The following ANK3 variants were observed in gnomAD, a reference collection of about 807,000 sequenced individuals.
ANK3 encodes the protein ankyrin-3.
Under a neutral mutation model 370.9 loss-of-function variants are expected in ANK3, and 57 were observed. That is an observed-to-expected ratio of 0.15 (90% CI 0.12 to 0.19). ANK3 has a LOEUF of 0.19. Ranked by LOEUF, ANK3 falls within the 10% of genes least tolerant of loss-of-function variation. The probability of loss-of-function intolerance (pLI) is 1.00; values close to 1 mark genes in which losing one functional copy is unlikely to be tolerated. For synonymous variants in ANK3, 1,929 were observed against 1,946.3 expected, an observed-to-expected ratio of 0.99 and a Z score of 0.23; for missense variants, 4,439 against 5,302.1, an observed-to-expected ratio of 0.84 and a Z score of 5.06.
intron 2 of ANK3, among the ~76,000 whole-genome samples, chr10:60,580,030 C>G (rs867525982): frequency 6.6e-6 from 1 of 152,138 alleles, no homozygotes; most frequent in Non-Finnish European, 1.5e-5. Flanking sequence ...AAGTTAGCAA[C>G]AATCTTTTGT....
intron 1 of ANK3, among the ~76,000 whole-genome samples, chr10:60,388,184 G>C (rs1304781242): frequency 6.6e-6 from 1 of 152,108 alleles, no homozygotes; most frequent in Non-Finnish European, 1.5e-5. Flanking sequence ...ATATATTCAA[G>C]AAGTTTATTT....
At chr10:60,462,387 A>T (rs1412409518) in intron 2 of ANK3, among the ~76,000 whole-genome samples, 1 of 152,146 alleles carries the variant, frequency 6.6e-6, no homozygotes, top group Non-Finnish European at 1.5e-5. Flanking sequence ...TGAGTGTAAA[A>T]GCATGCATGC....
At chr10:60,274,442 C>A (rs912902442) in intron 4 of ANK3, among the ~76,000 whole-genome samples, 4 of 152,146 alleles carry the variant, frequency 2.6e-5, no homozygotes, top group Non-Finnish European at 5.9e-5. Context: ...GACAATGTCA[C>A]CCCTATTTTC....
Position 60,389,564 on chromosome 10 carries a change from GCA to G in ANK3, c.-28_-27del. On this transcript the variant is annotated 5_prime_UTR_variant, in exon 1 of 44. Coordinates refer to ENST00000280772, the MANE Select transcript of ANK3 (RefSeq NM_020987.5). Reference sequence around the variant, plus strand: ...AATGCATTTAAAAAGATCCTCTCAAGCACACACGGCTTCCTTGTAAAAGGTGA... The same window carrying G: ...AATGCATTTAAAAAGATCCTCTCAAGCACACGGCTTCCTTGTAAAAGGTGA... 1 of 1,611,492 alleles carries G rather than the reference GCA, an allele frequency of 6.2e-7. No homozygotes were observed.
chr10:60,234,560 A>C, intron 8 of ANK3, 128 bp downstream of exon 8: 1 of 567,966 alleles, frequency 1.8e-6, no homozygotes, highest in Non-Finnish European at 3.2e-6. Context: ...AGTAGCAGTC[A>C]TTTTCCAAGA....
intron 18 of ANK3, among the ~76,000 whole-genome samples, chr10:60,174,441 T>C (rs2095872096): frequency 6.6e-6 from 1 of 152,148 alleles, no homozygotes; most frequent in Non-Finnish European, 1.5e-5. Flanking sequence ...TCCTTTTCAA[T>C]ACAGAGGAAC....
chr10:60,565,589 T>C (rs2077440506), intron 2 of ANK3, among the ~76,000 whole-genome samples: 1 of 152,228 alleles, frequency 6.6e-6, no homozygotes, highest in Non-Finnish European at 1.5e-5. Flanking sequence ...CTTTATTGTA[T>C]CTTGCCGTAA....
At chr10:60,223,255 C>A (rs529834916) in intron 8 of ANK3, among the ~76,000 whole-genome samples, 3 of 152,318 alleles carry the variant, frequency 2.0e-5, no homozygotes, top group African/African-American at 7.2e-5. Flanking sequence ...AGTGCCCCTA[C>A]CCTTGACATT....
chr10:60,038,253 G>A (rs1052408601), intron 43 of ANK3, among the ~76,000 whole-genome samples: 13 of 152,012 alleles, frequency 8.6e-5, no homozygotes, highest in South Asian at 2.1e-4. Context: ...AAAAATTAGC[G>A]GGGCATGGTA....
At chr10:60,480,523 A>G (rs1402192564) in intron 2 of ANK3, among the ~76,000 whole-genome samples, 1 of 152,218 alleles carries the variant, frequency 6.6e-6, no homozygotes. Context: ...AATTTCCAAA[A>G]AAAAAATCAA....
chr10:60,350,412 T>C (rs754577330), intron 1 of ANK3, among the ~76,000 whole-genome samples: 10 of 152,248 alleles, frequency 6.6e-5, no homozygotes, highest in African/African-American at 4.8e-5. Context: ...CACGAAAAGC[T>C]CAAGCAATAT....
chr10:60,558,809 A>G (rs1304552615), intron 2 of ANK3, among the ~76,000 whole-genome samples: 1 of 152,186 alleles, frequency 6.6e-6, no homozygotes, highest in Non-Finnish European at 1.5e-5. Context: ...TAATTTTCTA[A>G]AGCAATTTAT....
At chr10:60,576,314 T>A (rs1238040788) in intron 2 of ANK3, among the ~76,000 whole-genome samples, 2 of 152,276 alleles carry the variant, frequency 1.3e-5, no homozygotes, top group East Asian at 3.9e-4. Flanking sequence ...TTAAATTAAA[T>A]AACTCGCATA....
At chr10:60,293,175 C>T (rs1466594971) in intron 1 of ANK3, among the ~76,000 whole-genome samples, 2 of 152,206 alleles carry the variant, frequency 1.3e-5, no homozygotes, top group African/African-American at 4.8e-5. Context: ...ATCTATTCTT[C>T]CTTGTTTACC....
At chr10:60,039,261 T>A (rs762611803) in intron 43 of ANK3, among the ~76,000 whole-genome samples, 2 of 152,234 alleles carry the variant, frequency 1.3e-5, no homozygotes, top group African/African-American at 2.4e-5. Context: ...CACTCTTGGC[T>A]TACACATGGC....
At chr10:60,514,309 G>A (rs1295391387) in intron 2 of ANK3, among the ~76,000 whole-genome samples, 1 of 152,056 alleles carries the variant, frequency 6.6e-6, no homozygotes, top group Non-Finnish European at 1.5e-5. Context: ...CAACTGATCA[G>A]CAGATGGATA....
intron 7 of ANK3, among the ~76,000 whole-genome samples, chr10:60,239,515 T>A (rs1354830864): frequency 1.3e-5 from 2 of 151,924 alleles, no homozygotes; most frequent in Non-Finnish European, 2.9e-5. Flanking sequence ...AAATAAGAAT[T>A]CTACACCAAA....
intron 36 of ANK3, among the ~76,000 whole-genome samples, chr10:60,079,773 A>G (rs1283687539): frequency 6.6e-6 from 1 of 152,178 alleles, no homozygotes; most frequent in African/African-American, 2.4e-5. Flanking sequence ...TGTAGAGATC[A>G]CCAGAGGTGA....
intron 2 of ANK3, among the ~76,000 whole-genome samples, chr10:60,609,683 AT>A (rs1445188844): frequency 6.6e-6 from 1 of 152,164 alleles, no homozygotes; most frequent in African/African-American, 2.4e-5. Context: ...ACTGCACTGC[AT>A]CAAAGAAATA....
Sources: allele counts gnomAD v4.1 joint callset (sites outside exome capture counted in the v4.1 genomes callset), GRCh38; gene constraint gnomAD v4.1.1; transcripts MANE v1.5; gene names NCBI Gene and HGNC (gene_info 2026-07-23, HGNC 2026-07-21).